Variants in AGBL1 observed in about 807,000 individuals in gnomAD.
The protein encoded by AGBL1 is cytosolic carboxypeptidase 4.
Under a neutral mutation model 118.9 loss-of-function variants are expected in AGBL1, and 130 were observed. The ratio of observed to expected loss-of-function variants is 1.09; its 90% CI spans 0.95 to 1.26. The LOEUF (loss-of-function observed/expected upper bound fraction) is 1.26. Among genes scored for constraint, AGBL1 ranks in the 50% most tolerant of loss-of-function variants. AGBL1 has a pLI of 0.00. For synonymous variants in AGBL1, 555 were observed against 478.9 expected (o/e 1.16, Z -2.08); for missense variants, 1,584 against 1,298.1 (o/e 1.22, Z -3.38).
intron 18 of AGBL1, among the ~76,000 whole-genome samples, chr15:86,400,348 T>C (rs2081425535): frequency 6.6e-6 from 1 of 152,144 alleles, no homozygotes; most frequent in South Asian, 2.1e-4. Context: ...GCAGTTCACC[T>C]AAATCTTGTG....
chr15:86,392,038 T>C (rs1355572383), intron 17 of AGBL1, among the ~76,000 whole-genome samples: 1 of 152,166 alleles, frequency 6.6e-6, no homozygotes, highest in Non-Finnish European at 1.5e-5. Context: ...GAAATTGACA[T>C]ATGATTGTTA....
chr15:86,888,316 G>C (rs12441751), intron 22 of AGBL1, among the ~76,000 whole-genome samples: 9,823 of 151,400 alleles, frequency 0.065, 504 homozygotes, highest in East Asian at 0.29. Flanking sequence ...AGATTAGGCT[G>C]TCCAGTGGAA....
intron 24 of AGBL1, among the ~76,000 whole-genome samples, chr15:87,009,511 G>A (rs1055246712): frequency 8.5e-5 from 13 of 152,204 alleles, no homozygotes; most frequent in African/African-American, 3.1e-4. Flanking sequence ...TTGGATTGGA[G>A]CCCCCACACA....
Position 86,827,918 on chromosome 15 carries a change from C to T in AGBL1, c.3159-79169C>T, listed in dbSNP as rs937569406. The stretch of plus-strand genomic sequence containing the variant: ...TATTTTTACATACAATTAACATAGT[C>T]TCTGGCACTTGATGTAGGGCTTTTT... On this transcript the variant is annotated intron_variant, in intron 22 of 22. Transcript: ENST00000614907. 6.6e-5 allele frequency among the ~76,000 whole-genome samples: 3 copies of T among 45,292 alleles called. No individual in the cohort carries two copies. In the East Asian group the frequency reaches 2.3e-3, roughly 35 times the overall value. The allele number at this position is 45,292 out of a possible 152,430, so 29.7% of individuals were successfully genotyped here.
intron 3 of AGBL1, among the ~76,000 whole-genome samples, chr15:86,147,086 T>C (rs1567085085): frequency 1.3e-5 from 2 of 152,224 alleles, no homozygotes; most frequent in Non-Finnish European, 2.9e-5. Flanking sequence ...TTTGTAACAC[T>C]AGCTGTCAGG....
chr15:86,409,990 C>T (rs1358265393), intron 18 of AGBL1, among the ~76,000 whole-genome samples: 7 of 152,072 alleles, frequency 4.6e-5, no homozygotes, highest in African/African-American at 1.7e-4. Context: ...TCTTAGCATC[C>T]CCACTTCTAA....
At chr15:86,662,643 T>C (rs1473611553) in intron 21 of AGBL1, among the ~76,000 whole-genome samples, 4 of 152,246 alleles carry the variant, frequency 2.6e-5, no homozygotes, top group African/African-American at 7.2e-5. Context: ...CCTTCATTGA[T>C]AAAATCAGCT....
chr15:86,367,167 C>G (rs996653339), intron 17 of AGBL1, among the ~76,000 whole-genome samples: 3 of 152,128 alleles, frequency 2.0e-5, no homozygotes, highest in African/African-American at 7.2e-5. Context: ...AATCTATGGG[C>G]TCATGTAAAT....
chr15:87,002,130 T>G (rs1024008673), intron 24 of AGBL1, among the ~76,000 whole-genome samples: 1 of 152,120 alleles, frequency 6.6e-6, no homozygotes, highest in African/African-American at 2.4e-5. Flanking sequence ...TTTAAGTCTT[T>G]AATCCATCTT....
chr15:86,900,073 A>C (rs1349071785), intron 22 of AGBL1, among the ~76,000 whole-genome samples: 4 of 152,082 alleles, frequency 2.6e-5, no homozygotes, highest in African/African-American at 9.7e-5. Flanking sequence ...AAGTTCTTCA[A>C]CTTTTGGACT....
chr15:86,214,945 C>T (rs2078160347), intron 5 of AGBL1, among the ~76,000 whole-genome samples: 1 of 152,244 alleles, frequency 6.6e-6, no homozygotes, highest in African/African-American at 2.4e-5. Context: ...ATGAGGATTC[C>T]TGCATCTGTC....
chr15:86,760,449 A>G (rs1385144203), intron 22 of AGBL1, among the ~76,000 whole-genome samples: 1 of 152,056 alleles, frequency 6.6e-6, no homozygotes, highest in African/African-American at 2.4e-5. Flanking sequence ...ACATTTCTCA[A>G]TGACTTTCTA....
At chr15:86,179,564 A>G (rs1337422898) in intron 5 of AGBL1, among the ~76,000 whole-genome samples, 1 of 152,220 alleles carries the variant, frequency 6.6e-6, no homozygotes, top group East Asian at 1.9e-4. Context: ...CTTTCTCAAT[A>G]AATCACATCT....
At chr15:86,956,230 TAGA>T (rs1399518584) in intron 23 of AGBL1, among the ~76,000 whole-genome samples, 2 of 149,362 alleles carry the variant, frequency 1.3e-5, no homozygotes, top group African/African-American at 5.1e-5. Context: ...GATAGATAGA[TAGA>T]TAGATAGATA....
intron 13 of AGBL1, among the ~76,000 whole-genome samples, chr15:86,268,850 C>T (rs1468434476): frequency 6.6e-6 from 1 of 152,130 alleles, no homozygotes; most frequent in African/African-American, 2.4e-5. Flanking sequence ...ATAAATCTCA[C>T]ACAATGCCAT....
In AGBL1 at chr15:86,789,998, T is replaced by C. The variant is rs138118129; in HGVS notation, c.3158+115562T>C. On this transcript the variant is annotated intron_variant, in intron 22 of 22. Coordinates refer to ENST00000614907, the MANE Select transcript of AGBL1 (RefSeq NM_001386094.1). ...TTTCCACTACTTTTGCTTTCTCTTA[T>C]CTGATTTCTTAAAACTCAGCAGTAT... Among the ~76,000 whole-genome samples, 292 of 152,324 alleles carry C rather than the reference T, an allele frequency of 1.9e-3. 1 individual carries two copies. The highest frequency in any genetic ancestry group is 6.9e-3 in the African/African-American group (286 of 41,570).
chr15:86,829,257 T>A (rs1319585056), intron 22 of AGBL1, among the ~76,000 whole-genome samples: 6 of 152,098 alleles, frequency 3.9e-5, no homozygotes, highest in Admixed American at 6.6e-5. Flanking sequence ...TTAGTGGGCT[T>A]CTTAGAATTT....
At chr15:86,510,385 G>A (rs1235644680) in intron 18 of AGBL1, among the ~76,000 whole-genome samples, 1 of 151,440 alleles carries the variant, frequency 6.6e-6, no homozygotes, top group Non-Finnish European at 1.5e-5. Flanking sequence ...ATATGAAGAA[G>A]GCTCTTAGGC....
chr15:86,717,929 T>C (rs950960194), intron 22 of AGBL1, among the ~76,000 whole-genome samples: 2 of 151,888 alleles, frequency 1.3e-5, no homozygotes, highest in Non-Finnish European at 2.9e-5. Flanking sequence ...AATACAAAAA[T>C]TAGCTGGGCG....
Sources: allele counts gnomAD v4.1 joint callset (sites outside exome capture counted in the v4.1 genomes callset), GRCh38; gene constraint gnomAD v4.1.1; transcripts MANE v1.5; gene names NCBI Gene and HGNC (gene_info 2026-07-23, HGNC 2026-07-21).